Variants in HIVEP2 observed in about 807,000 individuals in gnomAD.
HIVEP2 encodes the protein HIVEP zinc finger 2.
A neutral mutation model predicts 180.7 loss-of-function variants in HIVEP2; 14 were observed. The observed-to-expected ratio is 0.08, with a 90% confidence interval of 0.05 to 0.12. The LOEUF is 0.12. Among genes scored for constraint, HIVEP2 ranks in the 10% least tolerant of loss-of-function variants. HIVEP2 has a pLI of 1.00. For missense variants in HIVEP2, 2,579 were observed against 3,008.5 expected (o/e 0.86, Z 3.34); for synonymous variants, 1,184 against 1,136.4 (o/e 1.04, Z -0.84).
rs1446029921 is a variant in HIVEP2, at chr6:142,858,453, C to T, written c.-640-21406G>A. On this transcript the variant is annotated intron_variant, in intron 1 of 9. Coordinates refer to ENST00000367603, the MANE Select transcript of HIVEP2 (RefSeq NM_006734.4). ...AGCACTGCTCTGTTCACTCCTATAG[C>T]CCCAGTATCCTAAACAGTGCCTGGA... 2.0e-5 allele frequency among the ~76,000 whole-genome samples: 3 copies of T among 152,152 alleles called. No homozygotes were observed. In the East Asian group the frequency reaches 5.8e-4, roughly 29 times the overall value.
chr6:142,932,730 G>A (rs936612813), intron 1 of HIVEP2, among the ~76,000 whole-genome samples: 3 of 152,168 alleles, frequency 2.0e-5, no homozygotes, highest in Non-Finnish European at 2.9e-5. Context: ...GTCCAAGAAC[G>A]GAATAGGCCT....
At chr6:142,930,888 C>T (rs1777928505) in intron 1 of HIVEP2, among the ~76,000 whole-genome samples, 1 of 152,128 alleles carries the variant, frequency 6.6e-6, no homozygotes, top group African/African-American at 2.4e-5. Context: ...TCACAAAGTC[C>T]TCTGTACTTC....
At chr6:142,935,971 C>T (rs1011446599) in intron 1 of HIVEP2, among the ~76,000 whole-genome samples, 6 of 151,644 alleles carry the variant, frequency 4.0e-5, no homozygotes, top group African/African-American at 1.5e-4. Flanking sequence ...AAATTAGCCG[C>T]GCATGGTGGT....
chr6:142,893,074 C>G (rs1431808185), intron 1 of HIVEP2, among the ~76,000 whole-genome samples: 1 of 152,160 alleles, frequency 6.6e-6, no homozygotes, highest in Non-Finnish European at 1.5e-5. Flanking sequence ...AACAATTAGT[C>G]CTTTCATTCT....
chr6:142,845,450 T>G (rs1229605180), intron 1 of HIVEP2, among the ~76,000 whole-genome samples: 1 of 152,262 alleles, frequency 6.6e-6, no homozygotes, highest in East Asian at 1.9e-4. Flanking sequence ...TATATACGTA[T>G]GTCTTTTGAC....
chr6:142,875,833 T>C (rs921556059), intron 1 of HIVEP2, among the ~76,000 whole-genome samples: 1 of 152,180 alleles, frequency 6.6e-6, no homozygotes, highest in African/African-American at 2.4e-5. Context: ...GATATGTCCA[T>C]TGGACAGCCA....
In HIVEP2 at chr6:142,770,053, G is replaced by A. The variant is rs1775484194; in HGVS notation, c.4686C>T (p.Ser1562=). The A allele has an allele frequency of 6.2e-7, 1 of 1,614,024 alleles. No homozygotes were observed. Among genetic ancestry groups the A allele is most frequent in the African/African-American group, 1.3e-5 (1 of 74,914 alleles). ...PGQKSSGPSE[S]KESSDELDID... is the part of the protein sequence containing the mutation. ...TATCTAATTCATCTGAAGATTCTTT[G>A]CTTTCAGAAGGCCCACTGGACTTCT... The change falls in exon 5 of 10, where the codon AGC becomes AGT. Residue 1562 remains serine, a synonymous_variant. Coordinates refer to ENST00000367603, the MANE Select transcript of HIVEP2 (RefSeq NM_006734.4). The surrounding 1 kb of genome is among the most constrained non-coding windows in gnomAD (Gnocchi z 4.7).
intron 1 of HIVEP2, among the ~76,000 whole-genome samples, chr6:142,895,942 A>C (rs1392613297): frequency 6.6e-6 from 1 of 152,214 alleles, no homozygotes; most frequent in East Asian, 1.9e-4. Flanking sequence ...CATTATTAAA[A>C]ACTACCTTAT....
rs57458259 is a variant in HIVEP2 at position 142,785,309 on chromosome 6, C to CAAAAAAAAAA, written c.-527-1704_-527-1695dup. ...GGCTAAAGTAAAGCATGGCATTCCT[C>CAAAAAAAAAA]AAAAAAAAAAAAAAAAAAAAAAAAA... On this transcript the variant is annotated intron_variant, in intron 2 of 9. Transcript: ENST00000367603. Among the ~76,000 whole-genome samples, 34 of 65,386 alleles carry CAAAAAAAAAA rather than the reference C, an allele frequency of 5.2e-4. 2 individuals are homozygous for CAAAAAAAAAA. The highest frequency in any genetic ancestry group is 6.6e-4 in the East Asian group (1 of 1,526). 42.9% of individuals were successfully genotyped at this position (65,386 alleles called of 152,430 possible).
chr6:142,753,354 G>A lies in HIVEP2; in HGVS notation c.7094C>T (p.Ala2365Val). ...QEPHQNPLGS[A>V]HVSIRHFSRP... ...ACTAAAGTGTCTAATGCTAACATGT[G>A]CACTTCCCAGGGGGTTCTGGTGGGG... The change falls in exon 10 of 10, where the codon GCA becomes GTA. Residue 2365 changes from alanine (A) to valine (V), a missense_variant. Coordinates refer to ENST00000367603, the MANE Select transcript of HIVEP2 (RefSeq NM_006734.4). 1 of 1,614,126 alleles carries A rather than the reference G, an allele frequency of 6.2e-7. No individual in the cohort carries two copies. The highest frequency in any genetic ancestry group is 8.5e-7 in the Non-Finnish European group (1 of 1,180,020).
At chr6:142,918,684 G>A (rs1430287568) in intron 1 of HIVEP2, among the ~76,000 whole-genome samples, 1 of 152,126 alleles carries the variant, frequency 6.6e-6, no homozygotes, top group African/African-American at 2.4e-5. Context: ...AAAACATAAT[G>A]TTCTTTCACT....
At chr6:142,878,272 A>C (rs1465968398) in intron 1 of HIVEP2, among the ~76,000 whole-genome samples, 1 of 152,214 alleles carries the variant, frequency 6.6e-6, no homozygotes, top group Non-Finnish European at 1.5e-5. Flanking sequence ...CTCATTAATC[A>C]CTGCATAGCT....
At chr6:142,871,341 C>T (rs751566831) in intron 1 of HIVEP2, among the ~76,000 whole-genome samples, 8 of 151,912 alleles carry the variant, frequency 5.3e-5, no homozygotes, top group Admixed American at 2.0e-4. Context: ...GTAAGCCAAG[C>T]GTCAGAGTAA....
At position 142,897,716 on chromosome 6, in the gene HIVEP2, A is replaced by G. The variant is rs556807499; in HGVS notation, c.-641+47383T>C. Among the ~76,000 whole-genome samples the G allele has an allele frequency of 7.2e-5, 11 of 152,342 alleles. No individual in the cohort carries two copies. In the South Asian group the frequency reaches 2.1e-3, roughly 29 times the overall value. On this transcript the variant is annotated intron_variant, in intron 1 of 9. Coordinates refer to ENST00000367603, the MANE Select transcript of HIVEP2 (RefSeq NM_006734.4). ...TCTAACATAACTGGAAAAGGGCAAG[A>G]GATGTGCTCTCAGAATGCTGATAAT... is the stretch of plus-strand genomic sequence containing the variant.
chr6:142,844,186 GT>G (rs1438418214), intron 1 of HIVEP2, among the ~76,000 whole-genome samples: 3 of 151,888 alleles, frequency 2.0e-5, no homozygotes, highest in Non-Finnish European at 2.9e-5. Context: ...TCTTAAAAGA[GT>G]TTTTCCTACC....
intron 1 of HIVEP2, among the ~76,000 whole-genome samples, chr6:142,905,932 G>A (rs895638374): frequency 1.3e-5 from 2 of 152,104 alleles, no homozygotes; most frequent in African/African-American, 2.4e-5. Context: ...TCAGGAGTTC[G>A]AGACCAACCT....
intron 3 of HIVEP2, among the ~76,000 whole-genome samples, chr6:142,780,736 A>G (rs1216810741): frequency 6.6e-6 from 1 of 152,130 alleles, no homozygotes; most frequent in Non-Finnish European, 1.5e-5. Flanking sequence ...AACAAGCAGG[A>G]TTTGGGAGGG....
At chr6:142,876,276 G>C (rs1776434988) in intron 1 of HIVEP2, among the ~76,000 whole-genome samples, 2 of 152,156 alleles carry the variant, frequency 1.3e-5, no homozygotes, top group African/African-American at 4.8e-5. Flanking sequence ...TGTTTCCAGG[G>C]TCACAAAGCA....
chr6:142,785,565 T>C (rs762801383), intron 2 of HIVEP2, among the ~76,000 whole-genome samples: 9 of 152,142 alleles, frequency 5.9e-5, no homozygotes, highest in Non-Finnish European at 1.2e-4. Context: ...CTCCCTTCCC[T>C]TCCAGAAATC....
Sources: gnomAD v4.1 joint callset for allele counts (sites outside exome capture counted in the v4.1 genomes callset) on GRCh38, gnomAD v4.1.1 for gene constraint, Gnocchi (gnomAD v3.1) non-coding constraint, MANE v1.5 for transcripts, NCBI Gene and HGNC (gene_info 2026-07-23, HGNC 2026-07-21) for gene names.